Variants in ECT2L observed in about 807,000 individuals in gnomAD.
The protein encoded by ECT2L is epithelial cell transforming 2 like, also known as epithelial cell-transforming sequence 2 oncogene-like.
Under a neutral mutation model 122.8 loss-of-function variants are expected in ECT2L, and 126 were observed. The observed-to-expected ratio is 1.03, with a 90% CI of 0.89 to 1.19. ECT2L has a LOEUF of 1.19. Among genes scored for constraint, ECT2L ranks in the 50% most tolerant of loss-of-function variants. The probability of loss-of-function intolerance (pLI) is 0.00; values close to 1 mark genes in which losing one functional copy is unlikely to be tolerated. For missense variants in ECT2L, 1,012 were observed against 1,064.1 expected (o/e 0.95, Z 0.68); for synonymous variants, 385 against 381.8 (o/e 1.01, Z -0.10).
At chr6:138,807,316 A>G (rs940752658) in intron 1 of ECT2L, among the ~76,000 whole-genome samples, 5 of 152,148 alleles carry the variant, frequency 3.3e-5, no homozygotes, top group Non-Finnish European at 7.4e-5. Flanking sequence ...AACTAAACAG[A>G]TCTTTTAGGT....
At chr6:138,832,982 A>G (rs1776702063) in intron 4 of ECT2L, among the ~76,000 whole-genome samples, 1 of 152,060 alleles carries the variant, frequency 6.6e-6, no homozygotes, top group Admixed American at 6.6e-5. Context: ...ACTTACAATC[A>G]CGGTGGAAGG....
At chr6:138,857,179 GT>G (rs1483199674) in intron 10 of ECT2L, among the ~76,000 whole-genome samples, 1 of 152,026 alleles carries the variant, frequency 6.6e-6, no homozygotes, top group African/African-American at 2.4e-5. Context: ...TTATTGGATT[GT>G]TTCTATCAAA....
rs367560936 is a variant in ECT2L, at chr6:138,804,582, A to AACACACACAC, written c.-243-8236_-243-8227dup. 2.4e-3 allele frequency among the ~76,000 whole-genome samples: 356 copies of AACACACACAC among 146,474 alleles called. 3 individuals are homozygous for AACACACACAC. Among genetic ancestry groups the AACACACACAC allele is most frequent in the African/African-American group, 8.4e-3 (336 of 40,020 alleles). On this transcript the variant is annotated intron_variant, in intron 1 of 21. Coordinates refer to ENST00000541398, the MANE Select transcript of ECT2L (RefSeq NM_001077706.3). The stretch of plus-strand genomic sequence containing the variant: ...TTTTAGAATCAGCTTTGAAGTTTTA[A>AACACACACAC]ACACACACACACACACACACACACA...
At chr6:138,803,940 C>G (rs904142296) in intron 1 of ECT2L, among the ~76,000 whole-genome samples, 1 of 152,218 alleles carries the variant, frequency 6.6e-6, no homozygotes, top group East Asian at 1.9e-4. Flanking sequence ...TTCAGCTACA[C>G]CAAGCCACGT....
At chr6:138,800,174 C>A (rs1164507532) in intron 1 of ECT2L, among the ~76,000 whole-genome samples, 2 of 152,174 alleles carry the variant, frequency 1.3e-5, no homozygotes, top group African/African-American at 4.8e-5. Flanking sequence ...AACAAAGGGG[C>A]CTCCAGTTTA....
At position 138,865,054 on chromosome 6, in the gene ECT2L, C is replaced by T. The variant is rs566762327; in HGVS notation, c.1350C>T (p.Cys450=). The T allele has an allele frequency of 6.2e-7, 1 of 1,613,992 alleles. No homozygotes were observed. The highest frequency in any genetic ancestry group is 1.7e-4 in the Middle Eastern group (1 of 6,022). The change falls in exon 12 of 22, where the codon TGC becomes TGT. Residue 450 remains cysteine (C), a synonymous_variant. Transcript: ENST00000541398. The part of the protein sequence containing the change: ...WGKAPSSIYF[C]ESKLQTWSSF... ...AGGCCCCCTCTTCCATCTACTTCTG[C>T]GAATCGAAGCTACAGACGTGGTCCA...
rs1777095831 is a variant in ECT2L at position 138,843,027 on chromosome 6, T to C, written c.391T>C (p.Tyr131His). The C allele has an allele frequency of 6.2e-7, 1 of 1,608,094 alleles. No individual in the cohort carries two copies. Among genetic ancestry groups the C allele is most frequent in the Middle Eastern group, 1.7e-4 (1 of 6,040 alleles). Residue 131 changes from tyrosine (Y) to histidine (H), a missense_variant, in exon 6 of 22, where the codon TAT becomes CAT. Coordinates refer to ENST00000541398, the MANE Select transcript of ECT2L (RefSeq NM_001077706.3). ...KCVKFGWFLP[Y>H]TPTDNEYGAW... ...CGTTAAGTTCGGATGGTTTCTGCCCTATACTCCAACAGATAATGAGTATGG... is the reference window on the plus strand; with the variant it reads ...CGTTAAGTTCGGATGGTTTCTGCCCCATACTCCAACAGATAATGAGTATGG...
chr6:138,864,532 A>G (rs1471455835), intron 11 of ECT2L, among the ~76,000 whole-genome samples: 1 of 152,196 alleles, frequency 6.6e-6, no homozygotes, highest in Non-Finnish European at 1.5e-5. Flanking sequence ...TAGCAGTTTG[A>G]CATAATTTAA....
intron 1 of ECT2L, among the ~76,000 whole-genome samples, chr6:138,799,848 G>A (rs975171527): frequency 3.9e-5 from 6 of 152,138 alleles, no homozygotes; most frequent in Admixed American, 1.3e-4. Flanking sequence ...ACTGCATGCC[G>A]ACTGGATGAT....
At chr6:138,800,173 G>A (rs1367159660) in intron 1 of ECT2L, among the ~76,000 whole-genome samples, 1 of 152,114 alleles carries the variant, frequency 6.6e-6, no homozygotes, top group Non-Finnish European at 1.5e-5. Context: ...TAACAAAGGG[G>A]CCTCCAGTTT....
intron 4 of ECT2L, among the ~76,000 whole-genome samples, chr6:138,824,707 G>A (rs1776383082): frequency 6.6e-6 from 1 of 152,120 alleles, no homozygotes. Flanking sequence ...GCCTCCCATA[G>A]GGACGTGTTT....
At chr6:138,841,537 T>A (rs1777040498) in intron 5 of ECT2L, among the ~76,000 whole-genome samples, 1 of 152,244 alleles carries the variant, frequency 6.6e-6, no homozygotes, top group Admixed American at 6.5e-5. Context: ...TTACCAAGCC[T>A]CTCCCGTCTT....
chr6:138,897,404 T>C (rs1779253023), intron 20 of ECT2L, among the ~76,000 whole-genome samples: 1 of 152,242 alleles, frequency 6.6e-6, no homozygotes. Flanking sequence ...TTGTATTAGA[T>C]ATCATAAGTA....
At chr6:138,860,520 A>C (rs78802390) in intron 10 of ECT2L, among the ~76,000 whole-genome samples, 1 of 84,868 alleles carries the variant, frequency 1.2e-5, no homozygotes, top group Admixed American at 1.7e-4. Flanking sequence ...AGACATCAGT[A>C]AGTGAGAGAC....
At chr6:138,846,789 A>G (rs1206953433) in intron 8 of ECT2L, 112 bp downstream of exon 8, 2 of 1,222,716 alleles carry the variant, frequency 1.6e-6, no homozygotes, top group African/African-American at 1.5e-5. Context: ...TGTATGAAAA[A>G]TGATTCAACT....
chr6:138,836,700 CCCT>C (rs1329861904), intron 4 of ECT2L, among the ~76,000 whole-genome samples: 1 of 151,722 alleles, frequency 6.6e-6, no homozygotes, highest in African/African-American at 2.4e-5. Flanking sequence ...TTTCCTTCTC[CCCT>C]ATTTATTTAT....
intron 4 of ECT2L, among the ~76,000 whole-genome samples, chr6:138,837,296 C>T (rs377410149): frequency 1.3e-5 from 2 of 152,180 alleles, no homozygotes; most frequent in African/African-American, 4.8e-5. Flanking sequence ...TTTTCCCAAC[C>T]CCCTGTAAAC....
chr6:138,896,297 A>G (rs1336487718), intron 20 of ECT2L, among the ~76,000 whole-genome samples: 1 of 152,062 alleles, frequency 6.6e-6, no homozygotes, highest in Non-Finnish European at 1.5e-5. Context: ...TCTATTCACC[A>G]GTGCAGGACT....
At chr6:138,832,801 A>G (rs1476981396) in intron 4 of ECT2L, among the ~76,000 whole-genome samples, 1 of 151,112 alleles carries the variant, frequency 6.6e-6, no homozygotes. Flanking sequence ...TTACTCTTCC[A>G]TTTGAAGAGA....
Sources: gnomAD v4.1 joint callset for allele counts (sites outside exome capture counted in the v4.1 genomes callset) on GRCh38, gnomAD v4.1.1 for gene constraint, MANE v1.5 for transcripts, NCBI Gene and HGNC (gene_info 2026-07-23, HGNC 2026-07-21) for gene names.